Variants in PRMT9 observed in about 807,000 individuals in gnomAD.
PRMT9 encodes protein arginine N-methyltransferase 9.
A neutral mutation model predicts 83.2 loss-of-function variants in PRMT9; 59 were observed. The ratio of observed to expected loss-of-function variants is 0.71; its 90% CI spans 0.57 to 0.88. The LOEUF (loss-of-function observed/expected upper bound fraction) is 0.88. Ranked by LOEUF, PRMT9 falls within the 40% of genes least tolerant of loss-of-function variation. PRMT9 has a pLI of 0.00. For missense variants in PRMT9, 947 were observed against 1,021.9 expected (o/e 0.93, Z 1.00); for synonymous variants, 333 against 353.2 (o/e 0.94, Z 0.64).
chr4:147,683,484 T>C (rs1736636742), intron 1 of PRMT9, among the ~76,000 whole-genome samples: 1 of 152,166 alleles, frequency 6.6e-6, no homozygotes, highest in African/African-American at 2.4e-5. Flanking sequence ...ATTCTGGACA[T>C]ATTTCGAAGG....
chr4:147,643,592 T>G (rs942558652), intron 9 of PRMT9, among the ~76,000 whole-genome samples: 3 of 152,210 alleles, frequency 2.0e-5, no homozygotes, highest in African/African-American at 7.2e-5. Flanking sequence ...TTTTACAGTC[T>G]CCAAGTATCA....
chr4:147,647,985 T>C (rs1230140227), intron 9 of PRMT9, among the ~76,000 whole-genome samples: 4 of 34,194 alleles, frequency 1.2e-4, no homozygotes, highest in African/African-American at 1.5e-4. Context: ...TTACTTATAT[T>C]TACGGATTTA....
chr4:147,682,860 G>A (rs900942371), intron 1 of PRMT9, among the ~76,000 whole-genome samples: 1 of 152,154 alleles, frequency 6.6e-6, no homozygotes, highest in Non-Finnish European at 1.5e-5. Context: ...CATTTAGTGG[G>A]TAGAGATCAA....
rs375904729 is a variant in PRMT9 at position 147,644,539 on chromosome 4, T to TTA, written c.2046-1600_2046-1599insTA. Among the ~76,000 whole-genome samples the TTA allele has an allele frequency of 6.2e-3, 696 of 111,894 alleles. 3 individuals are homozygous for TTA. Among genetic ancestry groups the TTA allele is most frequent in the Non-Finnish European group, 9.4e-3 (541 of 57,634 alleles). 73.4% of individuals were successfully genotyped at this position (111,894 alleles called of 152,430 possible). A position where few individuals can be genotyped will look rare whatever the true frequency, so the allele number is the denominator to read the frequency against. ...GTTTATCAGGAACACTGCTTATGGT[T>TTA]AAAAAAAAAAAAAAAAAAAAAGAAT... is the stretch of plus-strand genomic sequence containing the variant. On this transcript the variant is annotated intron_variant, in intron 9 of 11. Transcript: ENST00000322396.
chr4:147,652,120 C>G (rs980724490), intron 9 of PRMT9, among the ~76,000 whole-genome samples: 1 of 151,998 alleles, frequency 6.6e-6, no homozygotes. Flanking sequence ...AAAAGAAGAT[C>G]CCCAAAATGG....
At chr4:147,666,890 T>C (rs1198916105) in intron 6 of PRMT9, among the ~76,000 whole-genome samples, 6 of 151,742 alleles carry the variant, frequency 4.0e-5, no homozygotes, top group Admixed American at 3.9e-4. Context: ...TCAATCAAAC[T>C]GTAAACCCTT....
At chr4:147,677,445 A>ATTTTTTT (rs11321232) in intron 2 of PRMT9, among the ~76,000 whole-genome samples, 2 of 70,780 alleles carry the variant, frequency 2.8e-5, no homozygotes, top group Non-Finnish European at 5.3e-5. Context: ...GACAGGTAGA[A>ATTTTTTT]TTTTTTTTTT....
chr4:147,676,863 G>A (rs905089509), intron 2 of PRMT9, among the ~76,000 whole-genome samples: 13 of 152,070 alleles, frequency 8.5e-5, no homozygotes, highest in Non-Finnish European at 7.4e-5. Flanking sequence ...GGGCAACATG[G>A]TGAAACCCCA....
At chr4:147,659,262 A>G (rs1191700381) in intron 7 of PRMT9, among the ~76,000 whole-genome samples, 1 of 151,582 alleles carries the variant, frequency 6.6e-6, no homozygotes, top group Non-Finnish European at 1.5e-5. Context: ...TTAGCCGCTC[A>G]TGGTGGTGGG....
rs1733128857 is a variant in PRMT9, at chr4:147,638,039, T to G, written c.*493A>C. 6.3e-6 allele frequency: 1 copy of G among 158,058 alleles called. No homozygotes were observed. The highest frequency in any genetic ancestry group is 1.9e-4 in the South Asian group (1 of 5,334). The allele number at this position is 158,058 out of a possible 1,614,324, so 9.8% of individuals were successfully genotyped here. A position where few individuals can be genotyped will look rare whatever the true frequency, so the allele number is the denominator to read the frequency against. On this transcript the variant is annotated 3_prime_UTR_variant, in exon 12 of 12. Transcript: ENST00000322396. Reference sequence around the variant, plus strand: ...TACATTTAGCTTATAGCTTAAATTCTTTTTCAAGCTTGCATTCTCAAAACA... The same window carrying G: ...TACATTTAGCTTATAGCTTAAATTCGTTTTCAAGCTTGCATTCTCAAAACA...
chr4:147,648,891 AGCTAT>A (rs1371137983), intron 9 of PRMT9, among the ~76,000 whole-genome samples: 1 of 152,156 alleles, frequency 6.6e-6, no homozygotes, highest in African/African-American at 2.4e-5. Flanking sequence ...GTCAGATCTT[AGCTAT>A]GTTCAGATAA....
chr4:147,658,963 AG>A (rs1734730207), intron 7 of PRMT9, among the ~76,000 whole-genome samples: 1 of 152,084 alleles, frequency 6.6e-6, no homozygotes, highest in Non-Finnish European at 1.5e-5. Context: ...ACGGATCACG[AG>A]GCCAGGAGAT....
At position 147,638,658 on chromosome 4, in the gene PRMT9, A is replaced by C. The variant is rs568159610; in HGVS notation, c.2412T>G (p.Ser804Arg). The C allele has an allele frequency of 3.7e-6, 6 of 1,613,754 alleles. No homozygotes were observed. The South Asian group carries it at 6.6e-5, about 18-fold the overall frequency. ...LDEEIRLDTSSEASHWKQAAV... is the reference protein window; with the variant it reads ...LDEEIRLDTSREASHWKQAAV... ...CAGCTTGTTTCCAGTGGGAGGCTTC[A>C]CTTGAAGTATCCAACCTAATCTCTT... Residue 804 changes from serine to arginine, a missense_variant, in exon 12 of 12, where the codon AGT becomes AGG. Coordinates refer to ENST00000322396, the MANE Select transcript of PRMT9 (RefSeq NM_138364.4).
In PRMT9 at chr4:147,680,337, C is replaced by T; in HGVS notation, c.324G>A (p.Gly108=). Residue 108 remains glycine, a synonymous_variant, in exon 2 of 12, where the codon GGG becomes GGA. Transcript: ENST00000322396. ...PDDEVICNSM[G]EHLFRMGFRD... ...TCACTACAAACCTGAAGAGATGCTC[C>T]CCCATACTATTGCAAATCACTTCAT... is the stretch of plus-strand genomic sequence containing the variant. The T allele has an allele frequency of 6.2e-7, 1 of 1,614,018 alleles. No individual in the cohort carries two copies. Among genetic ancestry groups the T allele is most frequent in the Non-Finnish European group, 8.5e-7 (1 of 1,179,928 alleles).
intron 6 of PRMT9, among the ~76,000 whole-genome samples, chr4:147,663,679 C>T (rs1735128816): frequency 6.6e-6 from 1 of 152,102 alleles, no homozygotes; most frequent in Non-Finnish European, 1.5e-5. Flanking sequence ...CAATTTCTTG[C>T]TAATGTATTA....
intron 1 of PRMT9, among the ~76,000 whole-genome samples, chr4:147,681,589 C>T (rs1171411744): frequency 6.6e-6 from 1 of 152,054 alleles, no homozygotes; most frequent in Non-Finnish European, 1.5e-5. Context: ...GAGTTGAAGA[C>T]CAGCATGGCC....
chr4:147,684,114 C>G lies in PRMT9; in HGVS notation c.-127G>C. On this transcript the variant is annotated 5_prime_UTR_variant, in exon 1 of 12. Coordinates refer to ENST00000322396, the MANE Select transcript of PRMT9 (RefSeq NM_138364.4). Reference sequence around the variant, plus strand: ...ACAGCACAGCAAAGTTACCCTCCGCCGCGGGTGAACTCGCCAACCCCAGCC... The same window carrying G: ...ACAGCACAGCAAAGTTACCCTCCGCGGCGGGTGAACTCGCCAACCCCAGCC... 3.6e-6 allele frequency: 4 copies of G among 1,105,978 alleles called. No homozygotes were observed. The highest frequency in any genetic ancestry group is 5.3e-6 in the Non-Finnish European group (4 of 758,272). 68.5% of individuals were successfully genotyped at this position (1,105,978 alleles called of 1,614,324 possible).
rs1735895711 is a variant in PRMT9 at position 147,673,819 on chromosome 4, G to A, written c.394C>T (p.Pro132Ser). ...GYFHKAVKLN[P>S]DFSDAKENFY... Reference sequence around the variant, plus strand: ...TTCTCCTTTGCATCACTGAAATCAGGGTTTAGCTTCACTGCTTTATGAAAA... The same window carrying A: ...TTCTCCTTTGCATCACTGAAATCAGAGTTTAGCTTCACTGCTTTATGAAAA... The change falls in exon 3 of 12, where the codon CCT becomes TCT. Residue 132 changes from proline to serine, a missense_variant. Coordinates refer to ENST00000322396, the MANE Select transcript of PRMT9 (RefSeq NM_138364.4). 1.2e-6 allele frequency: 2 copies of A among 1,613,920 alleles called. No individual in the cohort carries two copies. The highest frequency in any genetic ancestry group is 1.1e-5 in the South Asian group (1 of 91,062).
intron 9 of PRMT9, among the ~76,000 whole-genome samples, chr4:147,646,915 A>C (rs1733769200): frequency 6.6e-6 from 1 of 152,164 alleles, no homozygotes; most frequent in Non-Finnish European, 1.5e-5. Flanking sequence ...AGCTCACTCC[A>C]TCTTGCTTCT....
Sources: gnomAD v4.1 joint callset for allele counts (sites outside exome capture counted in the v4.1 genomes callset) on GRCh38, gnomAD v4.1.1 for gene constraint, MANE v1.5 for transcripts, NCBI Gene and HGNC (gene_info 2026-07-23, HGNC 2026-07-21) for gene names.